ROBO2: variants seen among roughly 807,000 people sequenced by gnomAD.
ROBO2 encodes roundabout guidance receptor 2.
In ROBO2, 53 loss-of-function variants were observed where a neutral mutation model predicts 160.8. The observed-to-expected ratio is 0.33, with a 90% CI of 0.26 to 0.41. The LOEUF (loss-of-function observed/expected upper bound fraction) is 0.41. Ranked by LOEUF, ROBO2 falls within the 10% of genes least tolerant of loss-of-function variation. The probability of loss-of-function intolerance (pLI) is 1.00; values close to 1 mark genes in which losing one functional copy is unlikely to be tolerated. For synonymous variants in ROBO2, 664 were observed against 611.7 expected (o/e 1.09, Z -1.26); for missense variants, 1,577 against 1,722.4 (o/e 0.92, Z 1.49).
chr3:77,098,276 C>T (rs781724379), exon 2 of ROBO2: 1 of 1,614,168 alleles, frequency 6.2e-7, no homozygotes, highest in East Asian at 2.2e-5. Flanking sequence ...AAGGAAGCTA[C>T]GTTTGTGTTG....
intron 2 of ROBO2, among the ~76,000 whole-genome samples, chr3:76,218,095 T>C (rs1703686841): frequency 6.6e-6 from 1 of 152,148 alleles, no homozygotes; most frequent in South Asian, 2.1e-4. Flanking sequence ...AAAAAAGACC[T>C]TTGACGAAAT....
intron 1 of ROBO2, among the ~76,000 whole-genome samples, chr3:75,933,112 A>G (rs1947618274): frequency 6.6e-6 from 1 of 152,222 alleles, no homozygotes; most frequent in Non-Finnish European, 1.5e-5. Flanking sequence ...TAGTCTAAGG[A>G]CAAAGGCTCC....
chr3:76,669,779 G>A (rs1356962865), intron 2 of ROBO2, among the ~76,000 whole-genome samples: 1 of 152,120 alleles, frequency 6.6e-6, no homozygotes, highest in Non-Finnish European at 1.5e-5. Context: ...TACTATTGCT[G>A]CTCGCAATAT....
At chr3:75,913,071 G>T (rs140411146) in intron 1 of ROBO2, among the ~76,000 whole-genome samples, 50 of 152,280 alleles carry the variant, frequency 3.3e-4, no homozygotes, top group African/African-American at 9.6e-4. Context: ...CCTTCTGGAG[G>T]TGCTGAGGGG....
chr3:76,432,412 T>C (rs1302523746), intron 2 of ROBO2, among the ~76,000 whole-genome samples: 2 of 152,312 alleles, frequency 1.3e-5, no homozygotes, highest in Admixed American at 6.5e-5. Context: ...TTGTGAGAGT[T>C]GGCCACCTCA....
chr3:76,366,601 T>G (rs2075822594), intron 2 of ROBO2, among the ~76,000 whole-genome samples: 1 of 152,030 alleles, frequency 6.6e-6, no homozygotes, highest in African/African-American at 2.4e-5. Context: ...TTAAAATTGC[T>G]TACATAAGAT....
At chr3:77,349,569 T>C (rs973104302) in intron 2 of ROBO2, among the ~76,000 whole-genome samples, 4 of 152,126 alleles carry the variant, frequency 2.6e-5, no homozygotes, top group African/African-American at 9.7e-5. Flanking sequence ...GATTAAATGG[T>C]TTAACATTTC....
At chr3:76,370,385 C>T (rs970431236) in intron 2 of ROBO2, among the ~76,000 whole-genome samples, 1 of 151,916 alleles carries the variant, frequency 6.6e-6, no homozygotes, top group Non-Finnish European at 1.5e-5. Flanking sequence ...AAAGAATTTG[C>T]ATTATCAAGA....
chr3:77,337,512 T>G (rs1581165438), intron 2 of ROBO2, among the ~76,000 whole-genome samples: 1 of 152,184 alleles, frequency 6.6e-6, no homozygotes, highest in Non-Finnish European at 1.5e-5. Context: ...TTACCTGAAC[T>G]TAAGTTGAGT....
At chr3:76,580,342 G>GTTTTTTTTTTTTGT (rs71101901) in intron 2 of ROBO2, among the ~76,000 whole-genome samples, 2 of 90,560 alleles carry the variant, frequency 2.2e-5, no homozygotes, top group East Asian at 3.3e-4. Flanking sequence ...TTTTTTTTGT[G>GTTTTTTTTTTTTGT]TTTTTTTTTT....
At chr3:76,921,292 G>A (rs1433414334) in intron 2 of ROBO2, among the ~76,000 whole-genome samples, 3 of 152,098 alleles carry the variant, frequency 2.0e-5, no homozygotes, top group African/African-American at 7.2e-5. Context: ...ATGGAAAAAA[G>A]GTAAATGGGA....
At chr3:75,998,531 C>T (rs2065793240) in intron 2 of ROBO2, among the ~76,000 whole-genome samples, 1 of 152,126 alleles carries the variant, frequency 6.6e-6, no homozygotes, top group Admixed American at 6.5e-5. Context: ...AGCATATGGC[C>T]TGCAAAGCTA....
intron 1 of ROBO2, among the ~76,000 whole-genome samples, chr3:77,071,435 C>G (rs180719360): frequency 1.3e-3 from 205 of 152,208 alleles, no homozygotes; most frequent in Non-Finnish European, 2.4e-3. Context: ...TTAGCTAAGA[C>G]TTCATAGCCT....
chr3:77,274,614 T>G (rs1306492678), intron 2 of ROBO2, among the ~76,000 whole-genome samples: 1 of 152,130 alleles, frequency 6.6e-6, no homozygotes, highest in South Asian at 2.1e-4. Context: ...AAGCCAAAGA[T>G]AATCATAGAG....
chr3:76,736,675 A>G (rs2093718513), intron 2 of ROBO2, among the ~76,000 whole-genome samples: 1 of 152,224 alleles, frequency 6.6e-6, no homozygotes, highest in East Asian at 1.9e-4. Context: ...TTTAATATAA[A>G]CTGGACTTTG....
intron 1 of ROBO2, among the ~76,000 whole-genome samples, chr3:77,091,342 AAACTT>A (rs1166085491): frequency 6.6e-6 from 1 of 152,208 alleles, no homozygotes; most frequent in Non-Finnish European, 1.5e-5. Context: ...AAAGAAAACT[AAACTT>A]AACCATATTC....
At chr3:76,025,263 T>A (rs1389416217) in intron 2 of ROBO2, among the ~76,000 whole-genome samples, 1 of 151,620 alleles carries the variant, frequency 6.6e-6, no homozygotes, top group African/African-American at 2.4e-5. Context: ...TCTTCAAAAT[T>A]AATAGTCAGA....
chr3:76,792,335 T>C (rs1269920722), intron 2 of ROBO2, among the ~76,000 whole-genome samples: 1 of 151,866 alleles, frequency 6.6e-6, no homozygotes, highest in African/African-American at 2.4e-5. Context: ...TGAATGTTTC[T>C]ATTTTGGGGA....
intron 2 of ROBO2, among the ~76,000 whole-genome samples, chr3:76,324,386 T>C (rs1285405086): frequency 6.6e-6 from 1 of 152,202 alleles, no homozygotes; most frequent in Non-Finnish European, 1.5e-5. Context: ...ATAATAAAAT[T>C]CATTGTTAAA....
Sources: gnomAD v4.1 joint callset for allele counts (sites outside exome capture counted in the v4.1 genomes callset) on GRCh38, gnomAD v4.1.1 for gene constraint, MANE v1.5 for transcripts, NCBI Gene and HGNC (gene_info 2026-07-23, HGNC 2026-07-21) for gene names.